Variants in TTN observed in about 807,000 individuals in gnomAD.
TTN encodes the protein titin.
TTN carries 1,525 observed loss-of-function variants against 3,223.0 expected under a neutral mutation model. That is an observed-to-expected ratio of 0.47 (90% CI 0.45 to 0.49). TTN has a LOEUF of 0.49. TTN is among the 20% of genes least tolerant of loss of function. TTN has a pLI of 0.00. For missense variants in TTN, 40,786 were observed against 43,424.0 expected (o/e 0.94, Z 5.40); for synonymous variants, 14,094 against 15,161.0 (o/e 0.93, Z 5.17).
chr2:178,528,386 A>G lies in TTN; in HGVS notation c.107265T>C (p.Asn35755=). 3 of 1,613,968 alleles carry G rather than the reference A, an allele frequency of 1.9e-6. No individual in the cohort carries two copies. Among genetic ancestry groups the G allele is most frequent in the Non-Finnish European group, 2.5e-6 (3 of 1,179,860 alleles). The change falls in exon 361 of 363, where the codon AAT becomes AAC. Residue 35755 remains asparagine (N), a synonymous_variant. Coordinates refer to ENST00000589042, the MANE Select transcript of TTN (RefSeq NM_001267550.2). The part of the protein sequence containing the change: ...SSNVSISRSR[N]VYSLEIRNAS... Reference sequence around the variant, plus strand: ...CATTTCGGATTTCAAGGGAGTATACATTTCTGGAGCGGCTTATGCTGACAT... The same window carrying G: ...CATTTCGGATTTCAAGGGAGTATACGTTTCTGGAGCGGCTTATGCTGACAT...
intron 46 of TTN, chr2:178,754,095 G>A (rs2086307195): frequency 6.6e-6 from 1 of 152,124 alleles, no homozygotes. Flanking sequence ...AAGATGGAAT[G>A]TCATTAGGAT....
rs761582770 is a variant in TTN at position 178,713,961 on chromosome 2, T to C, written c.26697A>G (p.Val8899=). 5 of 1,613,596 alleles carry C rather than the reference T, an allele frequency of 3.1e-6. No individual in the cohort carries two copies. In the African/African-American group the frequency reaches 4.0e-5, roughly 13 times the overall value. Reference sequence around the variant, plus strand: ...CAGGGTTCTGCACCTCAAAACTGTATACCCCACTGTCACTCGGTGCTACAT... The same window carrying C: ...CAGGGTTCTGCACCTCAAAACTGTACACCCCACTGTCACTCGGTGCTACAT... ...IINVAPSDSG[V]YSFEVQNPVG... Residue 8899 remains valine (V), a synonymous_variant, in exon 92 of 363, where the codon GTA becomes GTG. Transcript: ENST00000589042.
At chr2:178,754,532 C>G (rs1243169868) in intron 46 of TTN, among the ~76,000 whole-genome samples, 3 of 152,258 alleles carry the variant, frequency 2.0e-5, no homozygotes, top group South Asian at 4.1e-4. Context: ...CACTATAGCA[C>G]TAGATTCTTT....
Position 178,682,732 on chromosome 2 carries a change from T to C in TTN, c.33059A>G (p.Tyr11020Cys), listed in dbSNP as rs72650035. 173 of 1,612,808 alleles carry C rather than the reference T, an allele frequency of 1.1e-4. 3 individuals are homozygous for C. The Middle Eastern group carries it at 1.8e-3, about 17-fold the overall frequency. Reference protein sequence around the residue: ...DQYEEYEEREYERYEEHEEYI... With the variant: ...DQYEEYEERECERYEEHEEYI... The stretch of plus-strand genomic sequence containing the variant: ...TTCTTCATGCTCTTCATATCGTTCA[T>C]ACTCCCGCTCCTCGTATTCTTCATA... Residue 11020 changes from tyrosine to cysteine, a missense_variant, in exon 135 of 363, where the codon TAT (tyrosine) becomes TGT (cysteine). Coordinates refer to ENST00000589042, the MANE Select transcript of TTN (RefSeq NM_001267550.2).
chr2:178,802,020 C>T (rs1575007643), intron 3 of TTN, 118 bp downstream of exon 3: 1 of 1,267,854 alleles, frequency 7.9e-7, no homozygotes, highest in African/African-American at 1.5e-5. Flanking sequence ...CCAGTAGACC[C>T]TTCTGTAGTT....
Position 178,571,043 on chromosome 2 carries a change from G to A in TTN, c.75089C>T (p.Pro25030Leu). Residue 25030 changes from proline (P) to leucine (L), a missense_variant, in exon 326 of 363, where the codon CCC (proline) becomes CTC (leucine). Physicochemically the swap from Pro to Leu is moderately conservative, Grantham distance 98. Coordinates refer to ENST00000589042, the MANE Select transcript of TTN (RefSeq NM_001267550.2). Reference protein sequence around the residue: ...RNSVTLQWKKPTYDGGSKITG... With the variant: ...RNSVTLQWKKLTYDGGSKITG... ...GATCTTGCTTCCACCGTCATAGGTGGGTTTCTTCCACTGAAGAGTCACAGA... is the reference window on the plus strand; with the variant it reads ...GATCTTGCTTCCACCGTCATAGGTGAGTTTCTTCCACTGAAGAGTCACAGA... 1 of 1,612,302 alleles carries A rather than the reference G, an allele frequency of 6.2e-7. No homozygotes were observed. Among genetic ancestry groups the A allele is most frequent in the African/African-American group, 1.3e-5 (1 of 74,954 alleles).
intron 238 of TTN, 31 bp from the exon 239 acceptor site, chr2:178,630,398 G>T (rs1441757245): frequency 6.4e-7 from 1 of 1,567,942 alleles, no homozygotes; most frequent in East Asian, 2.3e-5. Context: ...AACTTTCATA[G>T]AAAATAATTT....
rs542837650 is a variant in TTN, at chr2:178,759,807, A to G, written c.10115-635T>C. ...GGGTGATTTATTATGGTATTTGAGCATCTTAGATACATTTGACTCTTTTCA... is the reference window on the plus strand; with the variant it reads ...GGGTGATTTATTATGGTATTTGAGCGTCTTAGATACATTTGACTCTTTTCA... On this transcript the variant is annotated intron_variant, in intron 43 of 362. Coordinates refer to ENST00000589042, the MANE Select transcript of TTN (RefSeq NM_001267550.2). Among the ~76,000 whole-genome samples, 149 of 152,352 alleles carry G rather than the reference A, an allele frequency of 9.8e-4. 1 individual carries two copies. Among genetic ancestry groups the G allele is most frequent in the African/African-American group, 3.5e-3 (144 of 41,592 alleles).
At position 178,732,188 on chromosome 2, in the gene TTN, A is replaced by G. The variant is rs1210237703; in HGVS notation, c.16781T>C (p.Phe5594Ser). 1 of 1,613,800 alleles carries G rather than the reference A, an allele frequency of 6.2e-7. No homozygotes were observed. Among genetic ancestry groups the G allele is most frequent in the East Asian group, 2.2e-5 (1 of 44,858 alleles). Reference sequence around the variant, plus strand: ...TCTTAGAACTGCAGTAGACTCCACAAAAGACATTCTGTGTTTGCTGCTCTC... The same window carrying G: ...TCTTAGAACTGCAGTAGACTCCACAGAAGACATTCTGTGTTTGCTGCTCTC... The part of the protein sequence containing the change: ...IKESSKHRMS[F>S]VESTAVLRLT... Residue 5594 changes from phenylalanine (F) to serine (S), a missense_variant, in exon 57 of 363, where the codon TTT becomes TCT. Coordinates refer to ENST00000589042, the MANE Select transcript of TTN (RefSeq NM_001267550.2).
intron 49 of TTN, among the ~76,000 whole-genome samples, chr2:178,736,764 C>T (rs1033293173): frequency 5.9e-5 from 9 of 152,118 alleles, no homozygotes; most frequent in South Asian, 2.1e-4. Flanking sequence ...AACTTCCAAA[C>T]GCGTCAGTAT....
At chr2:178,685,420 A>G (rs1482698307) in intron 128 of TTN, 90 bp from the exon 129 acceptor site, 2 of 1,474,590 alleles carry the variant, frequency 1.4e-6, no homozygotes, top group East Asian at 2.4e-5. Context: ...CATGATATTT[A>G]TCAATATTTG....
At chr2:178,672,379 C>T (rs372103179) in intron 154 of TTN, 28 bp downstream of exon 154, 879 of 1,602,014 alleles carry the variant, frequency 5.5e-4, no homozygotes, top group Middle Eastern at 1.0e-3. Context: ...CAACAATACA[C>T]GAAAATCCAG....
chr2:178,786,276 C>T (rs1243425920), intron 13 of TTN, 135 bp from the exon 14 acceptor site: 7 of 889,316 alleles, frequency 7.9e-6, no homozygotes, highest in Non-Finnish European at 1.1e-5. Flanking sequence ...ATCTCAGAAA[C>T]ACTTTTAGGG....
In TTN at chr2:178,532,881, A is replaced by G. The variant is rs1689793140; in HGVS notation, c.103734T>C (p.Tyr34578=). 1 of 1,613,942 alleles carries G rather than the reference A, an allele frequency of 6.2e-7. No individual in the cohort carries two copies. Among genetic ancestry groups the G allele is most frequent in the African/African-American group, 1.3e-5 (1 of 75,024 alleles). Residue 34578 remains tyrosine, a synonymous_variant, in exon 358 of 363, where the codon TAT becomes TAC. Coordinates refer to ENST00000589042, the MANE Select transcript of TTN (RefSeq NM_001267550.2). Reference sequence around the variant, plus strand: ...CTCTGTCAAGTTTCCCAGGCATTTCATACTGATCACGTATCTTTTTATACC... The same window carrying G: ...CTCTGTCAAGTTTCCCAGGCATTTCGTACTGATCACGTATCTTTTTATACC... ...MKWYKKIRDQ[Y]EMPGKLDRVV...
At chr2:178,749,112 T>G in intron 47 of TTN, 1 of 1,612,876 alleles carries the variant, frequency 6.2e-7, no homozygotes, top group Non-Finnish European at 8.5e-7. Context: ...GTATTGTAAC[T>G]GTCAGAAATT....
In TTN at chr2:178,739,732, T is replaced by G; in HGVS notation, c.13501A>C (p.Thr4501Pro). 6.2e-7 allele frequency: 1 copy of G among 1,613,956 alleles called. No individual in the cohort carries two copies. The highest frequency in any genetic ancestry group is 8.5e-7 in the Non-Finnish European group (1 of 1,179,850). The change falls in exon 48 of 363, where the codon ACA (threonine) becomes CCA (proline). Residue 4501 changes from threonine (T) to proline (P), a missense_variant. Thr to Pro is a conservative substitution (Grantham distance 38). Coordinates refer to ENST00000589042, the MANE Select transcript of TTN (RefSeq NM_001267550.2). ...EGPRIQQGAK[T>P]SLQEEMDSFS... Reference sequence around the variant, plus strand: ...GAATCCATTTCTTCTTGCAAACTTGTTTTGGCTCCTTGCTGAATTCTAGGA... The same window carrying G: ...GAATCCATTTCTTCTTGCAAACTTGGTTTGGCTCCTTGCTGAATTCTAGGA...
At position 178,589,313 on chromosome 2, in the gene TTN, G is replaced by C. The variant is rs1298817333; in HGVS notation, c.62412C>G (p.Thr20804=). Residue 20804 remains threonine, a synonymous_variant, in exon 304 of 363, where the codon ACC becomes ACG. Transcript: ENST00000589042. The part of the protein sequence containing the change: ...RGKPFPEVAW[T]KDKDATDLTR... The stretch of plus-strand genomic sequence containing the variant: ...TTAAGTCTGTAGCGTCTTTGTCCTT[G>C]GTCCATGCAACTTCTGGGAATGGTT... 1.2e-6 allele frequency: 2 copies of C among 1,612,784 alleles called. No homozygotes were observed. Among genetic ancestry groups the C allele is most frequent in the African/African-American group, 2.7e-5 (2 of 74,866 alleles).
At position 178,782,602 on chromosome 2, in the gene TTN, A is replaced by G. The variant is rs374667907; in HGVS notation, c.3101T>C (p.Val1034Ala). 2 of 1,613,828 alleles carry G rather than the reference A, an allele frequency of 1.2e-6. No homozygotes were observed. The highest frequency in any genetic ancestry group is 1.7e-6 in the Non-Finnish European group (2 of 1,179,946). Residue 1034 changes from valine (V) to alanine (A), a missense_variant and splice_region_variant, in exon 19 of 363, where the codon GTG becomes GCG. By Grantham distance (64) the Val-to-Ala change is moderately conservative. Transcript: ENST00000589042. ...GGTTTCCTTTTCAAATTCTTCTGACACTAAAAGAAGACAAAAGTTTCTCAT... is the reference window on the plus strand; with the variant it reads ...GGTTTCCTTTTCAAATTCTTCTGACGCTAAAAGAAGACAAAAGTTTCTCAT... ...VSTSCYLAVQ[V>A]SEEFEKETTA... is the part of the protein sequence containing the mutation.
At chr2:178,800,261 C>T (rs1051785593) in intron 4 of TTN, 134 bp downstream of exon 4, 17 of 1,237,698 alleles carry the variant, frequency 1.4e-5, no homozygotes, top group South Asian at 5.7e-5. Context: ...TCATGGGTGT[C>T]GAAAAGCCAG....
Sources: gnomAD v4.1 joint callset for allele counts (sites outside exome capture counted in the v4.1 genomes callset) on GRCh38, gnomAD v4.1.1 for gene constraint, MANE v1.5 for transcripts, NCBI Gene and HGNC (gene_info 2026-07-23, HGNC 2026-07-21) for gene names.